EVPLL: variants seen among roughly 807,000 people sequenced by gnomAD.
EVPLL encodes the protein envoplakin-like protein.
EVPLL carries 39 observed loss-of-function variants against 46.2 expected under a neutral mutation model. The ratio of observed to expected loss-of-function variants is 0.84; its 90% CI spans 0.65 to 1.10. The LOEUF (loss-of-function observed/expected upper bound fraction) is 1.10, where lower values mean the gene tolerates loss of function less well. Ranked by LOEUF, EVPLL falls within the 50% of genes least tolerant of loss-of-function variation. EVPLL has a pLI of 0.00. For missense variants in EVPLL, 385 were observed against 412.6 expected, an observed-to-expected ratio of 0.93 and a Z score of 0.58; for synonymous variants, 156 against 165.8, an observed-to-expected ratio of 0.94 and a Z score of 0.46.
At position 18,378,392 on chromosome 17, in the gene EVPLL, G is replaced by T. The variant is rs1987451267; in HGVS notation, c.-37+409G>T. 2.0e-5 allele frequency among the ~76,000 whole-genome samples: 3 copies of T among 152,098 alleles called. No individual in the cohort carries two copies. The South Asian group carries it at 6.2e-4, about 31-fold the overall frequency. On this transcript the variant is annotated intron_variant, in intron 1 of 10. Coordinates refer to ENST00000399134, the MANE Select transcript of EVPLL (RefSeq NM_001145127.2). Reference sequence around the variant, plus strand: ...CTGGGATGACCCCTGGAGCCTGGGTGCAGGGCATGAGGACTGAGGGGGTGG... The same window carrying T: ...CTGGGATGACCCCTGGAGCCTGGGTTCAGGGCATGAGGACTGAGGGGGTGG...
In EVPLL at chr17:18,380,712, C is replaced by A. The variant is rs906756127; in HGVS notation, c.-36-190C>A. On this transcript the variant is annotated intron_variant, in intron 1 of 10. Transcript: ENST00000399134. ...CCTCACCTTTTGACCCCTCATGTGG[C>A]GGGGCAGTGCTAACACCCCCAACCA... is the stretch of plus-strand genomic sequence containing the variant. 3 of 572,586 alleles carry A rather than the reference C, an allele frequency of 5.2e-6. No homozygotes were observed. In the East Asian group the frequency reaches 8.6e-5, roughly 16 times the overall value. 35.5% of individuals were successfully genotyped at this position (572,586 alleles called of 1,614,324 possible).
At chr17:18,380,241 G>A (rs1474670980) in intron 1 of EVPLL, 3 of 152,378 alleles carry the variant, frequency 2.0e-5, no homozygotes, top group Non-Finnish European at 4.4e-5. Flanking sequence ...GCCCTGGGGT[G>A]GAAGCAAGGT....
At position 18,381,168 on chromosome 17, in the gene EVPLL, A is replaced by T. The variant is rs960378915; in HGVS notation, c.63+168A>T. The T allele has an allele frequency of 8.4e-7, 1 of 1,194,014 alleles. No homozygotes were observed. Among genetic ancestry groups the T allele is most frequent in the Non-Finnish European group, 1.2e-6 (1 of 857,532 alleles). The allele number at this position is 1,194,014 out of a possible 1,614,324, so 74.0% of individuals were successfully genotyped here. ...AACACACGGTGGGAGAGAGGGCTCA[A>T]CTTCCTTCTTTGCTGGGCTCCCCTG... On this transcript the variant is annotated intron_variant, in intron 2 of 10. Transcript: ENST00000399134. The surrounding 1 kb of genome is among the most constrained non-coding windows in gnomAD (Gnocchi z 4.2).
Position 18,377,930 on chromosome 17 carries a change from C to A in EVPLL, c.-90C>A. ...AAGGCTCCCAGGGGAAGGGGTCCCC[C>A]AAGGACTCCCCAGCCAAGGGGTCCC... On this transcript the variant is annotated 5_prime_UTR_variant, in exon 1 of 11. Transcript: ENST00000399134. 2 of 1,115,290 alleles carry A rather than the reference C, an allele frequency of 1.8e-6. No homozygotes were observed. The highest frequency in any genetic ancestry group is 1.2e-6 in the Non-Finnish European group (1 of 807,718). 69.1% of individuals were successfully genotyped at this position (1,115,290 alleles called of 1,614,324 possible).
chr17:18,384,664 C>G (rs773563851), intron 9 of EVPLL, among the ~76,000 whole-genome samples: 2 of 150,964 alleles, frequency 1.3e-5, no homozygotes, highest in Non-Finnish European at 3.0e-5. Context: ...CCCGGGAAGT[C>G]GAGGCTGCAG....
At position 18,377,848 on chromosome 17, in the gene EVPLL, G is replaced by A; in HGVS notation, c.-172G>A. ...CCTGCCCTCCTGCCCTCCTTCACCA[G>A]CCAAGCCCAGCCTGAGCCAGCACCT... On this transcript the variant is annotated 5_prime_UTR_variant, in exon 1 of 11. Transcript: ENST00000399134. 1.2e-6 allele frequency: 1 copy of A among 818,440 alleles called. No individual in the cohort carries two copies. The allele number at this position is 818,440 out of a possible 1,614,324, so 50.7% of individuals were successfully genotyped here.
intron 9 of EVPLL, 90 bp downstream of exon 9, chr17:18,383,677 A>G: frequency 2.5e-6 from 3 of 1,184,408 alleles, no homozygotes; most frequent in Non-Finnish European, 3.6e-6. Flanking sequence ...TGCACCTCTC[A>G]ACTAGACAGA....
intron 1 of EVPLL, among the ~76,000 whole-genome samples, chr17:18,379,217 C>T (rs989796330): frequency 1.3e-5 from 2 of 152,236 alleles, no homozygotes; most frequent in African/African-American, 4.8e-5. Flanking sequence ...GCGCTCTTCC[C>T]ACTCACTGGC....
rs1361962478 is a variant in EVPLL at position 18,383,155 on chromosome 17, C to T, written c.642C>T (p.Ala214=). Residue 214 remains alanine, a synonymous_variant, in exon 7 of 11, where the codon GCC becomes GCT. Transcript: ENST00000399134. ...ILQQDWSDLM[A]DPAGVRREYE... Reference sequence around the variant, plus strand: ...AGCAGGACTGGAGCGACCTCATGGCCGACCCTGCGGGCGTGCGGCGGGAAT... The same window carrying T: ...AGCAGGACTGGAGCGACCTCATGGCTGACCCTGCGGGCGTGCGGCGGGAAT... 6.4e-7 allele frequency: 1 copy of T among 1,552,420 alleles called. No homozygotes were observed. The highest frequency in any genetic ancestry group is 1.9e-5 in the Admixed American group (1 of 53,460).
Position 18,377,811 on chromosome 17 carries a change from C to G in EVPLL, c.-209C>G. 3.2e-6 allele frequency: 2 copies of G among 616,506 alleles called. No individual in the cohort carries two copies. The allele number at this position is 616,506 out of a possible 1,614,324, so 38.2% of individuals were successfully genotyped here. A position where few individuals can be genotyped will look rare whatever the true frequency, so the allele number is the denominator to read the frequency against. On this transcript the variant is annotated 5_prime_UTR_variant, in exon 1 of 11. Transcript: ENST00000399134. ...TAGCTGACCAGCCAGCAAGGACGCC[C>G]GCTGCCTCCCACCTGCCCTCCTGCC...
chr17:18,382,750 G>A, intron 5 of EVPLL, 76 bp from the exon 6 acceptor site: 1 of 1,561,942 alleles, frequency 6.4e-7, no homozygotes, highest in South Asian at 1.2e-5. Flanking sequence ...GTGGGGTATG[G>A]CTTGCCCAGA....
Position 18,381,105 on chromosome 17 carries a change from T to G in EVPLL, c.63+105T>G. On this transcript the variant is annotated intron_variant, in intron 2 of 10. Coordinates refer to ENST00000399134, the MANE Select transcript of EVPLL (RefSeq NM_001145127.2). The surrounding 1 kb of genome is among the most constrained non-coding windows in gnomAD (Gnocchi z 4.2). ...GAGTGCCCCCTGGTGATGGTGAAGATGGGACAGATGACATTTGTCCTGCAC... is the reference window on the plus strand; with the variant it reads ...GAGTGCCCCCTGGTGATGGTGAAGAGGGGACAGATGACATTTGTCCTGCAC... The G allele has an allele frequency of 7.2e-7, 1 of 1,388,534 alleles. No homozygotes were observed. Among genetic ancestry groups the G allele is most frequent in the Non-Finnish European group, 9.9e-7 (1 of 1,005,778 alleles). The allele number at this position is 1,388,534 out of a possible 1,614,324, so 86.0% of individuals were successfully genotyped here. A position where few individuals can be genotyped will look rare whatever the true frequency, so the allele number is the denominator to read the frequency against.
chr17:18,383,680 T>A, intron 9 of EVPLL, 93 bp downstream of exon 9: 2 of 1,166,250 alleles, frequency 1.7e-6, no homozygotes, highest in Non-Finnish European at 2.5e-6. Flanking sequence ...ACCTCTCAAC[T>A]AGACAGAGCT....
intron 9 of EVPLL, chr17:18,386,518 C>G (rs1598100106): frequency 6.6e-6 from 1 of 152,296 alleles, no homozygotes; most frequent in African/African-American, 2.4e-5. Flanking sequence ...GCCCATGGTA[C>G]AGCCAGTCCA....
intron 9 of EVPLL, among the ~76,000 whole-genome samples, chr17:18,387,052 G>A (rs1372859857): frequency 1.7e-5 from 2 of 120,440 alleles, no homozygotes; most frequent in Non-Finnish European, 3.6e-5. Flanking sequence ...CCGCCACCAC[G>A]CATGGCTAAT....
intron 6 of EVPLL, 46 bp downstream of exon 6, chr17:18,382,910 G>T: frequency 6.2e-7 from 1 of 1,603,380 alleles, no homozygotes; most frequent in Non-Finnish European, 8.5e-7. Flanking sequence ...GGTGGGCCTG[G>T]GTGGCCGCCC....
At position 18,383,285 on chromosome 17, in the gene EVPLL, C is replaced by A. The variant is rs1259789404; in HGVS notation, c.687C>A (p.His229Gln). 35 of 1,592,564 alleles carry A rather than the reference C, an allele frequency of 2.2e-5. No individual in the cohort carries two copies. The highest frequency in any genetic ancestry group is 2.8e-5 in the Non-Finnish European group (33 of 1,171,412). ...CTCGCCCCCAGCACTTCAAGCAGCA[C>A]GAGCTGCTGAGCCAGGAGCAGAGCG... ...VRREYEHFKQHELLSQEQSVN... is the reference protein window; with the variant it reads ...VRREYEHFKQQELLSQEQSVN... The change falls in exon 8 of 11, where the codon CAC becomes CAA. Residue 229 changes from histidine to glutamine, a missense_variant. By Grantham distance (24) the His-to-Gln change is conservative. Coordinates refer to ENST00000399134, the MANE Select transcript of EVPLL (RefSeq NM_001145127.2).
chr17:18,381,390 C>G lies in EVPLL; in HGVS notation c.87C>G (p.Ser29Arg), dbSNP rs1362638237. The change falls in exon 3 of 11, where the codon AGC becomes AGG. Residue 29 changes from serine (S) to arginine (R), a missense_variant. Ser to Arg is a moderately radical substitution (Grantham distance 110). Coordinates refer to ENST00000399134, the MANE Select transcript of EVPLL (RefSeq NM_001145127.2). This position sits in a 1 kb window ranked among gnomAD's most constrained non-coding sequence, Gnocchi z 4.2. ...LQQDRLNSEQ[S>R]QALQHQQETG... ...AGGACCGGCTGAACAGTGAGCAGAGCCAGGCCCTGCAGCACCAGCAGGAGA... is the reference window on the plus strand; with the variant it reads ...AGGACCGGCTGAACAGTGAGCAGAGGCAGGCCCTGCAGCACCAGCAGGAGA... 1 of 1,584,280 alleles carries G rather than the reference C, an allele frequency of 6.3e-7. No homozygotes were observed. Among genetic ancestry groups the G allele is most frequent in the Non-Finnish European group, 8.6e-7 (1 of 1,166,476 alleles).
Position 18,381,903 on chromosome 17 carries a change from G to C in EVPLL, c.346+173G>C. On this transcript the variant is annotated intron_variant, in intron 4 of 10. Transcript: ENST00000399134. The surrounding 1 kb of genome is among the most constrained non-coding windows in gnomAD (Gnocchi z 4.2). ...CAGGGAAGACTTCCTGTAGGAGGAGGCACATGAAGAGACCTCAGAGGGGTG... is the reference window on the plus strand; with the variant it reads ...CAGGGAAGACTTCCTGTAGGAGGAGCCACATGAAGAGACCTCAGAGGGGTG... 1 of 1,076,722 alleles carries C rather than the reference G, an allele frequency of 9.3e-7. No homozygotes were observed. The highest frequency in any genetic ancestry group is 1.3e-6 in the Non-Finnish European group (1 of 751,244). The allele number at this position is 1,076,722 out of a possible 1,614,324, so 66.7% of individuals were successfully genotyped here. A position where few individuals can be genotyped will look rare whatever the true frequency, so the allele number is the denominator to read the frequency against.
Sources: gnomAD v4.1 joint callset for allele counts (sites outside exome capture counted in the v4.1 genomes callset) on GRCh38, gnomAD v4.1.1 for gene constraint, Gnocchi (gnomAD v3.1) non-coding constraint, MANE v1.5 for transcripts, NCBI Gene and HGNC (gene_info 2026-07-23, HGNC 2026-07-21) for gene names.